The following ABTB3 variants were observed in gnomAD, a reference collection of about 807,000 sequenced individuals.
The protein encoded by ABTB3 is ankyrin repeat- and BTB/POZ domain-containing protein 3.
At chr12:107,458,231 G>T in the ABTB3 span, among the ~76,000 whole-genome samples, 1 of 152,164 alleles carries the variant, frequency 6.6e-6, no homozygotes, top group Non-Finnish European at 1.5e-5. Context: ...AATGGCCTTT[G>T]TTATTTCATC....
the ABTB3 span, among the ~76,000 whole-genome samples, chr12:107,451,959 C>G: frequency 6.6e-6 from 1 of 152,168 alleles, no homozygotes; most frequent in Non-Finnish European, 1.5e-5. Flanking sequence ...TATTATTAAT[C>G]CCATCCTTCA....
At chr12:107,496,439 T>C in the ABTB3 span, among the ~76,000 whole-genome samples, 1 of 152,114 alleles carries the variant, frequency 6.6e-6, no homozygotes, top group East Asian at 1.9e-4. Flanking sequence ...GCAGGGGATA[T>C]AAAGATGCAA....
the ABTB3 span, among the ~76,000 whole-genome samples, chr12:107,654,690 G>T: frequency 1.6e-4 from 25 of 152,182 alleles, no homozygotes; most frequent in South Asian, 4.2e-4. Context: ...CCAAAGCACA[G>T]GTTCTTAACC....
the ABTB3 span, among the ~76,000 whole-genome samples, chr12:107,627,655 T>C: frequency 6.6e-6 from 1 of 152,184 alleles, no homozygotes; most frequent in African/African-American, 2.4e-5. Context: ...TGGTGACTTC[T>C]TTTGGTGGGA....
At chr12:107,399,521 A>T in the ABTB3 span, among the ~76,000 whole-genome samples, 1 of 152,052 alleles carries the variant, frequency 6.6e-6, no homozygotes, top group East Asian at 1.9e-4. Context: ...GAGTCCAGGC[A>T]CCCATCTCCC....
the ABTB3 span, among the ~76,000 whole-genome samples, chr12:107,579,173 T>A: frequency 2.0e-5 from 3 of 152,174 alleles, no homozygotes; most frequent in African/African-American, 4.8e-5. Flanking sequence ...GATGTGGATT[T>A]TTAAAGGGCT....
At chr12:107,644,514 T>C in the ABTB3 span, among the ~76,000 whole-genome samples, 32,450 of 152,160 alleles carry the variant, frequency 0.21, 3,720 homozygotes, top group Middle Eastern at 0.3. Flanking sequence ...TCAGAATACC[T>C]GGAGAAGGGT....
At chr12:107,386,423 T>C in the ABTB3 span, among the ~76,000 whole-genome samples, 4 of 152,212 alleles carry the variant, frequency 2.6e-5, no homozygotes, top group African/African-American at 7.2e-5. Context: ...GAGCTTGGCA[T>C]ATAGTATATA....
At chr12:107,473,204 A>G in the ABTB3 span, among the ~76,000 whole-genome samples, 2 of 152,210 alleles carry the variant, frequency 1.3e-5, no homozygotes, top group Non-Finnish European at 2.9e-5. Context: ...AAATGCGTAC[A>G]GCCCAGTGCC....
At chr12:107,347,478 TCC>T in the ABTB3 span, among the ~76,000 whole-genome samples, 28,982 of 152,014 alleles carry the variant, frequency 0.19, 3,389 homozygotes, top group East Asian at 0.34. Context: ...TGCATGTGGC[TCC>T]CAAGATGGCT....
chr12:107,590,371 TTGCCCCTGGAAGTGACTG>T, the ABTB3 span, among the ~76,000 whole-genome samples: 1 of 152,154 alleles, frequency 6.6e-6, no homozygotes, highest in Non-Finnish European at 1.5e-5. Flanking sequence ...GTGCAGGATG[TTGCCCCTGGAAGTGACTG>T]ATGACGAGGA....
the ABTB3 span, among the ~76,000 whole-genome samples, chr12:107,484,078 G>A: frequency 1.3e-5 from 2 of 152,158 alleles, no homozygotes; most frequent in African/African-American, 4.8e-5. Context: ...TTTGGTGGCT[G>A]TCCATTGAGT....
the ABTB3 span, among the ~76,000 whole-genome samples, chr12:107,577,343 G>C: frequency 1.3e-5 from 2 of 152,132 alleles, no homozygotes; most frequent in African/African-American, 4.8e-5. Context: ...AGTGAGTTAC[G>C]GGCAGATCCA....
At chr12:107,497,684 A>G in the ABTB3 span, among the ~76,000 whole-genome samples, 3 of 152,190 alleles carry the variant, frequency 2.0e-5, no homozygotes, top group Non-Finnish European at 4.4e-5. Flanking sequence ...ATTTCTCGCA[A>G]TCATTCTCTG....
chr12:107,596,973 C>T, the ABTB3 span, among the ~76,000 whole-genome samples: 5 of 152,254 alleles, frequency 3.3e-5, no homozygotes, highest in African/African-American at 1.2e-4. Context: ...GAAACTAGAG[C>T]TGGACACAGC....
At chr12:107,400,774 C>A in the ABTB3 span, among the ~76,000 whole-genome samples, 2 of 152,024 alleles carry the variant, frequency 1.3e-5, no homozygotes, top group African/African-American at 2.4e-5. Context: ...GTGAAGTGAC[C>A]TTTACCCAGT....
the ABTB3 span, among the ~76,000 whole-genome samples, chr12:107,332,907 TTA>T: frequency 1.6e-3 from 240 of 152,326 alleles, 1 homozygote; most frequent in Middle Eastern, 3.4e-3. Context: ...TCACAATTCT[TTA>T]TGTGGTAGAT....
the ABTB3 span, among the ~76,000 whole-genome samples, chr12:107,363,049 C>T: frequency 6.6e-6 from 1 of 152,196 alleles, no homozygotes; most frequent in Admixed American, 6.5e-5. Flanking sequence ...GTATCAGCAT[C>T]ACCAGACTTT....
At chr12:107,588,041 G>T in the ABTB3 span, among the ~76,000 whole-genome samples, 1 of 152,166 alleles carries the variant, frequency 6.6e-6, no homozygotes, top group Admixed American at 6.5e-5. Context: ...GCCTCTGGTG[G>T]CTGCAGGCAT....
Sources: gnomAD v4.1 joint callset for allele counts (sites outside exome capture counted in the v4.1 genomes callset) on GRCh38, gnomAD v4.1.1 for gene constraint, MANE v1.5 for transcripts, NCBI Gene and HGNC (gene_info 2026-07-23, HGNC 2026-07-21) for gene names.